The following CCDC13 variants were observed in gnomAD, a reference collection of about 807,000 sequenced individuals.
CCDC13 encodes coiled-coil domain containing 13, also known as coiled-coil domain-containing protein 13.
CCDC13 carries 70 observed loss-of-function variants against 87.3 expected under a neutral mutation model. The ratio of observed to expected loss-of-function variants is 0.80; its 90% confidence interval spans 0.66 to 0.98. The LOEUF (loss-of-function observed/expected upper bound fraction) is 0.98. Among genes scored for constraint, CCDC13 ranks in the 50% least tolerant of loss-of-function variants. The pLI is 0.00. For synonymous variants in CCDC13, 317 were observed against 360.3 expected (o/e 0.88, Z 1.36); for missense variants, 842 against 892.0 (o/e 0.94, Z 0.71).
At chr3:42,768,131 T>C (rs1267928551) in intron 1 of CCDC13, among the ~76,000 whole-genome samples, 1 of 151,962 alleles carries the variant, frequency 6.6e-6, no homozygotes, top group Non-Finnish European at 1.5e-5. Context: ...ACAAAGGCAA[T>C]GGTGCTGGAA....
chr3:42,736,999 G>A (rs1699043824), intron 9 of CCDC13, among the ~76,000 whole-genome samples: 1 of 152,130 alleles, frequency 6.6e-6, no homozygotes. Context: ...ATGCCATGTT[G>A]GTTTGCTGCA....
At chr3:42,748,180 T>C (rs1044852783) in intron 5 of CCDC13, among the ~76,000 whole-genome samples, 3 of 152,112 alleles carry the variant, frequency 2.0e-5, no homozygotes, top group Non-Finnish European at 2.9e-5. Context: ...CTGTGACTCA[T>C]AGATATTTGA....
chr3:42,709,885 T>G (rs1405386849), intron 14 of CCDC13, 87 bp from the exon 15 acceptor site: 3 of 999,356 alleles, frequency 3.0e-6, no homozygotes, highest in Non-Finnish European at 4.8e-6. Context: ...GCCCACTGCC[T>G]GCTCTTCCAC....
intron 1 of CCDC13, among the ~76,000 whole-genome samples, chr3:42,771,230 C>T (rs1700089904): frequency 6.6e-6 from 1 of 152,156 alleles, no homozygotes; most frequent in Non-Finnish European, 1.5e-5. Flanking sequence ...TGTATAATTG[C>T]AAACTGTATA....
At chr3:42,725,014 CAT>C (rs1167671879) in intron 13 of CCDC13, among the ~76,000 whole-genome samples, 5 of 151,974 alleles carry the variant, frequency 3.3e-5, no homozygotes, top group Admixed American at 6.6e-5. Context: ...AACTCTAAAA[CAT>C]GTGCAATGGC....
intron 7 of CCDC13, chr3:42,744,952 T>C (rs1311117774): frequency 2.0e-5 from 3 of 152,206 alleles, no homozygotes; most frequent in Non-Finnish European, 2.9e-5. Flanking sequence ...GGTGTGAAGA[T>C]GAAGACATAG....
intron 1 of CCDC13, among the ~76,000 whole-genome samples, chr3:42,764,881 A>T (rs776636882): frequency 2.3e-4 from 35 of 152,202 alleles, no homozygotes; most frequent in Non-Finnish European, 3.5e-4. Context: ...TATTTACATT[A>T]CTTCCCTTTA....
rs570916805 is a variant in CCDC13, at chr3:42,706,343, G to C, written c.*2637C>G. ...CAAGTTCTGGTTGAACAAATGGAGG[G>C]AACACTAAGAGCGAATAATTATTAA... On this transcript the variant is annotated 3_prime_UTR_variant, in exon 16 of 16. Transcript: ENST00000310232. The C allele has an allele frequency of 2.0e-5, 3 of 152,390 alleles. No homozygotes were observed. Among genetic ancestry groups the C allele is most frequent in the South Asian group, 2.1e-4 (1 of 4,828 alleles). The allele number at this position is 152,390 out of a possible 1,614,324, so 9.4% of individuals were successfully genotyped here. A position where few individuals can be genotyped will look rare whatever the true frequency, so the allele number is the denominator to read the frequency against.
rs79310087 is a variant in CCDC13 at position 42,757,327 on chromosome 3, C to T, written c.222-113G>A. On this transcript the variant is annotated intron_variant, in intron 2 of 15. Coordinates refer to ENST00000310232, the MANE Select transcript of CCDC13 (RefSeq NM_144719.4). ...GGACACGCAGATGCAGACACACTGACGTGAAAGAAGAAAGATTTCAATGTC... is the reference window on the plus strand; with the variant it reads ...GGACACGCAGATGCAGACACACTGATGTGAAAGAAGAAAGATTTCAATGTC... 6.8e-4 allele frequency: 676 copies of T among 990,688 alleles called. 3 individuals are homozygous for T. In the East Asian group the frequency reaches 9.9e-3, roughly 14 times the overall value. The allele number at this position is 990,688 out of a possible 1,614,324, so 61.4% of individuals were successfully genotyped here.
At chr3:42,724,300 G>C (rs1208752459) in intron 13 of CCDC13, among the ~76,000 whole-genome samples, 1 of 152,196 alleles carries the variant, frequency 6.6e-6, no homozygotes, top group African/African-American at 2.4e-5. Context: ...GCTCAGCCCA[G>C]ATACCCGGGG....
chr3:42,739,819 A>G lies in CCDC13; in HGVS notation c.988-9T>C. The G allele has an allele frequency of 6.2e-7, 1 of 1,612,910 alleles. No individual in the cohort carries two copies. The highest frequency in any genetic ancestry group is 2.2e-5 in the East Asian group (1 of 44,856). On this transcript the variant is annotated splice_polypyrimidine_tract_variant and intron_variant, in intron 8 of 15. Coordinates refer to ENST00000310232, the MANE Select transcript of CCDC13 (RefSeq NM_144719.4). ...CGTTCACTGGCAAGTTTCTGTAATT[A>G]GAAAGTGAGGGCATGGGCAGCAGGG...
At chr3:42,766,077 CA>C (rs1158254201) in intron 1 of CCDC13, among the ~76,000 whole-genome samples, 1 of 152,000 alleles carries the variant, frequency 6.6e-6, no homozygotes, top group East Asian at 1.9e-4. Flanking sequence ...GAATTGCTGC[CA>C]AATGGAAGGG....
intron 13 of CCDC13, among the ~76,000 whole-genome samples, chr3:42,726,014 A>G (rs541168388): frequency 6.6e-6 from 1 of 152,328 alleles, no homozygotes; most frequent in African/African-American, 2.4e-5. Flanking sequence ...AACAAATGCT[A>G]TAAGAAAGAG....
rs114710165 is a variant in CCDC13, at chr3:42,713,168, T to C, written c.1867A>G (p.Lys623Glu). 1.0e-3 allele frequency: 1,673 copies of C among 1,613,884 alleles called. 26 individuals carry two copies. The African/African-American group carries it at 0.019, about 18-fold the overall frequency. The change falls in exon 14 of 16, where the codon AAA becomes GAA. Residue 623 changes from lysine to glutamate, a missense_variant. Coordinates refer to ENST00000310232, the MANE Select transcript of CCDC13 (RefSeq NM_144719.4). ...CTACTGCCCTGGCCCCTACCTGTTTTGGTCCTGGGAGCTGCTCTCTGGGAG... is the reference window on the plus strand; with the variant it reads ...CTACTGCCCTGGCCCCTACCTGTTTCGGTCCTGGGAGCTGCTCTCTGGGAG... ...SASQRAAPRT[K>E]TGLPTSNNRH...
intron 1 of CCDC13, among the ~76,000 whole-genome samples, chr3:42,759,757 T>C (rs1393444369): frequency 6.6e-6 from 1 of 152,238 alleles, no homozygotes; most frequent in Non-Finnish European, 1.5e-5. Context: ...GTTATGAACA[T>C]TCATGTATAA....
chr3:42,732,430 C>T (rs942476100), intron 12 of CCDC13: 5 of 173,952 alleles, frequency 2.9e-5, no homozygotes, highest in South Asian at 2.7e-4. Context: ...GGCAGGACAA[C>T]GCTGTCCTTT....
intron 13 of CCDC13, among the ~76,000 whole-genome samples, chr3:42,730,061 C>T (rs1421952605): frequency 6.6e-6 from 1 of 152,214 alleles, no homozygotes; most frequent in African/African-American, 2.4e-5. Flanking sequence ...CAGCACCTCT[C>T]TTGTTCTTTC....
intron 13 of CCDC13, among the ~76,000 whole-genome samples, chr3:42,721,221 A>G (rs902405175): frequency 2.0e-5 from 3 of 152,202 alleles, no homozygotes; most frequent in African/African-American, 7.2e-5. Flanking sequence ...TTCCTAGTCA[A>G]TTGTGGATTT....
chr3:42,710,015 C>G (rs917602821), intron 14 of CCDC13, among the ~76,000 whole-genome samples: 3 of 152,190 alleles, frequency 2.0e-5, no homozygotes, highest in African/African-American at 7.2e-5. Context: ...TCTGCTACAG[C>G]CCTGACTCTG....
Sources: allele counts gnomAD v4.1 joint callset (sites outside exome capture counted in the v4.1 genomes callset), GRCh38; gene constraint gnomAD v4.1.1; transcripts MANE v1.5; gene names NCBI Gene and HGNC (gene_info 2026-07-23, HGNC 2026-07-21).